LAMP1: variants seen among roughly 807,000 people sequenced by gnomAD.
LAMP1 encodes lysosome-associated membrane glycoprotein 1.
Under a neutral mutation model 37.5 loss-of-function variants are expected in LAMP1, and 7 were observed. The ratio of observed to expected loss-of-function variants is 0.19; its 90% CI spans 0.11 to 0.35. LAMP1 has a LOEUF of 0.35. LAMP1 is among the 10% of genes least tolerant of loss of function. The pLI is 1.00. For missense variants in LAMP1, 537 were observed against 552.8 expected (o/e 0.97, Z 0.29); for synonymous variants, 236 against 229.1 (o/e 1.03, Z -0.27).
chr13:113,319,365 G>T, intron 4 of LAMP1, 104 bp from the exon 5 acceptor site: 1 of 1,022,940 alleles, frequency 9.8e-7, no homozygotes, highest in Non-Finnish European at 1.4e-6. Context: ...CACCAAGGAC[G>T]CCAGAGTCCA....
chr13:113,310,431 CAA>C (rs1026403220), intron 3 of LAMP1, among the ~76,000 whole-genome samples: 25 of 152,040 alleles, frequency 1.6e-4, no homozygotes, highest in African/African-American at 5.8e-4. Flanking sequence ...GAGGTTGAGG[CAA>C]GAGAATCGCC....
rs1014126000 is a variant in LAMP1, at chr13:113,320,595, CT to C, written c.876+128del. The C allele has an allele frequency of 1.7e-5, 17 of 997,140 alleles. No homozygotes were observed. In the African/African-American group the frequency reaches 2.3e-4, roughly 13 times the overall value. 61.8% of individuals were successfully genotyped at this position (997,140 alleles called of 1,614,324 possible). The stretch of plus-strand genomic sequence containing the variant: ...GCGGCCTCACTTTTTTCTGCCTTCC[CT>C]TTATCCTGGGCTTTTTAGTTCCTTG... On this transcript the variant is annotated intron_variant, in intron 6 of 8. Coordinates refer to ENST00000332556, the MANE Select transcript of LAMP1 (RefSeq NM_005561.4). The surrounding 1 kb of genome is among the most constrained non-coding windows in gnomAD (Gnocchi z 4.4).
chr13:113,308,906 A>G (rs1204181900), intron 2 of LAMP1, among the ~76,000 whole-genome samples: 3 of 152,188 alleles, frequency 2.0e-5, no homozygotes, highest in Admixed American at 1.3e-4. Flanking sequence ...TGCTTATAGT[A>G]GTAAATTTAA....
At chr13:113,301,973 C>T (rs2042577253) in intron 1 of LAMP1, among the ~76,000 whole-genome samples, 1 of 148,598 alleles carries the variant, frequency 6.7e-6, no homozygotes, top group African/African-American at 2.4e-5. Context: ...CGCCATTCTC[C>T]TGCCTCAGCC....
rs2042702530 is a variant in LAMP1, at chr13:113,321,849, TTTC to T, written c.1114+128_1114+130del. ...GCCCCTGTTCCTCTGCAAGGAGCTG[TTTC>T]TTCTTGCCGGTCTGAGATTCTAGAG... On this transcript the variant is annotated intron_variant, in intron 8 of 8. Coordinates refer to ENST00000332556, the MANE Select transcript of LAMP1 (RefSeq NM_005561.4). The surrounding 1 kb of genome is among the most constrained non-coding windows in gnomAD (Gnocchi z 5.6). 3 of 974,358 alleles carry T rather than the reference TTTC, an allele frequency of 3.1e-6. No homozygotes were observed. The highest frequency in any genetic ancestry group is 3.2e-5 in the South Asian group (2 of 62,952). The allele number at this position is 974,358 out of a possible 1,614,324, so 60.4% of individuals were successfully genotyped here.
At chr13:113,299,330 C>T (rs1295999493) in intron 1 of LAMP1, among the ~76,000 whole-genome samples, 1 of 145,420 alleles carries the variant, frequency 6.9e-6, no homozygotes. Flanking sequence ...AGTGGCACAA[C>T]CTCGGCTCAC....
intron 3 of LAMP1, 80 bp from the exon 4 acceptor site, chr13:113,310,629 C>T: frequency 9.1e-7 from 1 of 1,102,398 alleles, no homozygotes; most frequent in Non-Finnish European, 1.3e-6. Flanking sequence ...CTATAACTGA[C>T]ATCAGGGCTA....
At chr13:113,308,954 C>G (rs2042614891) in intron 2 of LAMP1, among the ~76,000 whole-genome samples, 1 of 152,124 alleles carries the variant, frequency 6.6e-6, no homozygotes, top group Non-Finnish European at 1.5e-5. Context: ...TTTAAAGAAA[C>G]ATTATTTAAA....
intron 4 of LAMP1, among the ~76,000 whole-genome samples, chr13:113,312,471 G>T (rs1467047701): frequency 6.6e-6 from 1 of 152,210 alleles, no homozygotes; most frequent in Non-Finnish European, 1.5e-5. Context: ...ACTGTCTGTA[G>T]CTTTGCGGCA....
intron 1 of LAMP1, among the ~76,000 whole-genome samples, chr13:113,302,000 T>C (rs192779025): frequency 4.7e-4 from 70 of 148,706 alleles, no homozygotes; most frequent in African/African-American, 1.6e-3. Flanking sequence ...GTACCAGGGA[T>C]TACAGGCATG....
rs2042614388 is a variant in LAMP1, at chr13:113,308,858, C to A, written c.184-785C>A. Among the ~76,000 whole-genome samples the A allele has an allele frequency of 2.0e-5, 3 of 152,210 alleles. No individual in the cohort carries two copies. The South Asian group carries it at 6.2e-4, about 32-fold the overall frequency. On this transcript the variant is annotated intron_variant, in intron 2 of 8. Coordinates refer to ENST00000332556, the MANE Select transcript of LAMP1 (RefSeq NM_005561.4). ...TAGTTCATTTGACCTATCTAGTTTA[C>A]TTTGATGAACATTAAGTGGTTTTCC...
In LAMP1 at chr13:113,306,440, T is replaced by C. The variant is rs770596418; in HGVS notation, c.62-45T>C. On this transcript the variant is annotated intron_variant, in intron 1 of 8. Coordinates refer to ENST00000332556, the MANE Select transcript of LAMP1 (RefSeq NM_005561.4). The stretch of plus-strand genomic sequence containing the variant: ...GAAAATGGAAATACTCGGTCGTATT[T>C]TCTGGACAGTTTTTGATGGTCTCCG... The C allele has an allele frequency of 1.9e-6, 3 of 1,598,748 alleles. No individual in the cohort carries two copies. The South Asian group carries it at 3.3e-5, about 18-fold the overall frequency.
chr13:113,312,976 A>G (rs3829392), intron 4 of LAMP1, among the ~76,000 whole-genome samples: 8,302 of 152,248 alleles, frequency 0.055, 624 homozygotes, highest in African/African-American at 0.16. Flanking sequence ...GGCTGCATCA[A>G]TGTGGCTTGA....
At chr13:113,304,660 CTT>C (rs1376947385) in intron 1 of LAMP1, among the ~76,000 whole-genome samples, 8 of 143,556 alleles carry the variant, frequency 5.6e-5, no homozygotes, top group African/African-American at 5.1e-5. Flanking sequence ...TTTTCTTTTT[CTT>C]TTTTTTTTTT....
intron 4 of LAMP1, 31 bp from the exon 5 acceptor site, chr13:113,319,438 A>G: frequency 1.3e-6 from 2 of 1,565,988 alleles, no homozygotes; most frequent in Non-Finnish European, 1.7e-6. Flanking sequence ...TGAGAAACCC[A>G]GACCTGAATC....
intron 4 of LAMP1, among the ~76,000 whole-genome samples, chr13:113,311,377 T>C (rs1211689143): frequency 6.6e-6 from 1 of 152,212 alleles, no homozygotes; most frequent in Non-Finnish European, 1.5e-5. Flanking sequence ...TTTCAAAACA[T>C]CCTGACACAC....
intron 4 of LAMP1, among the ~76,000 whole-genome samples, chr13:113,318,713 T>C (rs1350316435): frequency 6.6e-6 from 1 of 151,606 alleles, no homozygotes. Context: ...TTCCCTGAAC[T>C]GTGCCCTCTT....
rs1040829196 is a variant in LAMP1, at chr13:113,321,231, G to A, written c.877-173G>A. 1.1e-5 allele frequency: 7 copies of A among 640,764 alleles called. No individual in the cohort carries two copies. Among genetic ancestry groups the A allele is most frequent in the Non-Finnish European group, 1.7e-5 (6 of 360,012 alleles). 39.7% of individuals were successfully genotyped at this position (640,764 alleles called of 1,614,324 possible). ...TTTTCATTCCCCAGAGATACACAAC[G>A]CCTTTTATAGACAAGATCTTTTGCA... is the stretch of plus-strand genomic sequence containing the variant. On this transcript the variant is annotated intron_variant, in intron 6 of 8. Transcript: ENST00000332556. This position sits in a 1 kb window ranked among gnomAD's most constrained non-coding sequence, Gnocchi z 5.6.
At chr13:113,303,399 C>T (rs1319501409) in intron 1 of LAMP1, among the ~76,000 whole-genome samples, 2 of 152,156 alleles carry the variant, frequency 1.3e-5, no homozygotes, top group Non-Finnish European at 2.9e-5. Flanking sequence ...ACAGGACTGC[C>T]GGAGATAGCA....
Sources: gnomAD v4.1 joint callset for allele counts (sites outside exome capture counted in the v4.1 genomes callset) on GRCh38, gnomAD v4.1.1 for gene constraint, Gnocchi (gnomAD v3.1) non-coding constraint, MANE v1.5 for transcripts, NCBI Gene and HGNC (gene_info 2026-07-23, HGNC 2026-07-21) for gene names.